Variants in SLC17A2 observed in about 807,000 individuals in gnomAD.
SLC17A2 encodes the protein solute carrier family 17 member 2.
A neutral mutation model predicts 52.1 loss-of-function variants in SLC17A2; 38 were observed. The observed-to-expected ratio is 0.73, with a 90% CI of 0.56 to 0.96. The LOEUF is 0.96. Among genes scored for constraint, SLC17A2 ranks in the 40% least tolerant of loss-of-function variants. The probability of loss-of-function intolerance (pLI) is 0.00; values close to 1 mark genes in which losing one functional copy is unlikely to be tolerated. For missense variants in SLC17A2, 508 were observed against 583.9 expected (o/e 0.87, Z 1.34); for synonymous variants, 226 against 211.9 (o/e 1.07, Z -0.58).
intron 8 of SLC17A2, among the ~76,000 whole-genome samples, chr6:25,916,278 A>C: frequency 6.6e-6 from 1 of 152,142 alleles, no homozygotes; most frequent in East Asian, 1.9e-4. Context: ...GATATTTAGT[A>C]AACCATATTG....
At position 25,915,791 on chromosome 6, in the gene SLC17A2, A is replaced by G. The variant is rs772747990; in HGVS notation, c.1008T>C (p.Leu336=). The G allele has an allele frequency of 6.2e-7, 1 of 1,614,206 alleles. No homozygotes were observed. The highest frequency in any genetic ancestry group is 1.7e-5 in the Admixed American group (1 of 60,026). Residue 336 remains leucine, a synonymous_variant, in exon 9 of 12, where the codon CTT becomes CTC. Coordinates refer to ENST00000377850, the MANE Select transcript of SLC17A2 (RefSeq NM_001286123.3). ...TCAATCTGAGAAGATTCCTGGACAA[A>G]AGGAAATCTGCCAGCTGACCTCCTA... The part of the protein sequence containing the change: ...TILGGQLADF[L]LSRNLLRLIT...
rs1399950059 is a variant in SLC17A2 at position 25,918,545 on chromosome 6, G to A, written c.591C>T (p.Leu197=). The change falls in exon 6 of 12, where the codon CTC becomes CTT. Residue 197 remains leucine, a synonymous_variant. Coordinates refer to ENST00000377850, the MANE Select transcript of SLC17A2 (RefSeq NM_001286123.3). ...CCTGTGAGATTAGTCCCCCCACACA[G>A]AGGATGATGAAGGATCCAAATGCTG... ...SGSAFGSFII[L]CVGGLISQAL... The A allele has an allele frequency of 9.3e-6, 15 of 1,613,332 alleles. No homozygotes were observed. Among genetic ancestry groups the A allele is most frequent in the Non-Finnish European group, 1.3e-5 (15 of 1,179,440 alleles).
chr6:25,912,934 A>T lies in SLC17A2; in HGVS notation c.*383T>A, dbSNP rs1335410710. 1 of 172,618 alleles carries T rather than the reference A, an allele frequency of 5.8e-6. No individual in the cohort carries two copies. Among genetic ancestry groups the T allele is most frequent in the Non-Finnish European group, 1.2e-5 (1 of 80,146 alleles). 10.7% of individuals were successfully genotyped at this position (172,618 alleles called of 1,614,324 possible). ...GAGCAGATCTTCTCTGCATCCAATA[A>T]CCTGCCCCACCATGAAGATATTTAT... On this transcript the variant is annotated 3_prime_UTR_variant, in exon 12 of 12. Transcript: ENST00000377850.
chr6:25,916,904 G>A (rs1766343217), intron 7 of SLC17A2, 58 bp from the exon 8 acceptor site: 5 of 1,607,740 alleles, frequency 3.1e-6, no homozygotes, highest in African/African-American at 1.3e-5. Context: ...GTGCCTCTCA[G>A]AGGAGATCCA....
In SLC17A2 at chr6:25,916,755, CAG is replaced by C; in HGVS notation, c.858_859del (p.Phe286LeufsTer21). ...GTATGTTAGGATGATGGTGCACAACCAGAAATGGCTGAAAAAACCCAGGAAAA... is the reference window on the plus strand; with the variant it reads ...GTATGTTAGGATGATGGTGCACAACCAAATGGCTGAAAAAACCCAGGAAAA... On this transcript the variant is annotated frameshift_variant, in exon 8 of 12. Coordinates refer to ENST00000377850, the MANE Select transcript of SLC17A2 (RefSeq NM_001286123.3). LOFTEE classifies it high-confidence loss of function. 6.2e-7 allele frequency: 1 copy of C among 1,613,934 alleles called. No individual in the cohort carries two copies. Among genetic ancestry groups the C allele is most frequent in the Non-Finnish European group, 8.5e-7 (1 of 1,179,878 alleles).
chr6:25,913,313 G>A lies in SLC17A2; in HGVS notation c.*4C>T, dbSNP rs1299301328. On this transcript the variant is annotated 3_prime_UTR_variant, in exon 12 of 12. Transcript: ENST00000377850. ...ACCACATTTAAGTTTGTAACTTTAT[G>A]TCCTCAGAGGCGGGTAAGGGTCCTC... 1 of 1,613,982 alleles carries A rather than the reference G, an allele frequency of 6.2e-7. No individual in the cohort carries two copies. Among genetic ancestry groups the A allele is most frequent in the African/African-American group, 1.3e-5 (1 of 74,934 alleles).
Position 25,915,721 on chromosome 6 carries a change from C to T in SLC17A2, c.1063+15G>A. The T allele has an allele frequency of 6.2e-7, 1 of 1,613,314 alleles. No individual in the cohort carries two copies. Among genetic ancestry groups the T allele is most frequent in the South Asian group, 1.1e-5 (1 of 90,934 alleles). On this transcript the variant is annotated intron_variant, in intron 9 of 11. Transcript: ENST00000377850. ...AAAAGGGATTGGTTAAATGGGCCCACACGCTTATCCTTACCAAGAGATGAA... is the reference window on the plus strand; with the variant it reads ...AAAAGGGATTGGTTAAATGGGCCCATACGCTTATCCTTACCAAGAGATGAA...
Position 25,916,688 on chromosome 6 carries a change from T to G in SLC17A2, c.927A>C (p.Arg309Ser), listed in dbSNP as rs1766330154. 2 of 1,611,480 alleles carry G rather than the reference T, an allele frequency of 1.2e-6. No homozygotes were observed. The highest frequency in any genetic ancestry group is 1.7e-6 in the Non-Finnish European group (2 of 1,177,706). The change falls in exon 8 of 12, where the codon AGA (arginine) becomes AGC (serine). Residue 309 changes from arginine to serine, a missense_variant. Transcript: ENST00000377850. ...YISTLLHVNI[R>S]DSGVLSSLPF... ...GAAGTATAGGAAGTAAACTCACATC[T>G]CTGATGTTAACATGGAGCAGAGTAC...
rs143440604 is a variant in SLC17A2, at chr6:25,923,118, C to T, written c.240+577G>A. On this transcript the variant is annotated intron_variant, in intron 3 of 11. Transcript: ENST00000377850. ...AGGAAAATCTCTTGAACCCGGGAGG[C>T]GGAGGCTGCAGTGAGCTGAGATCAT... Among the ~76,000 whole-genome samples the T allele has an allele frequency of 5.3e-4, 80 of 152,150 alleles. No homozygotes were observed. The East Asian group carries it at 0.012, about 24-fold the overall frequency.
intron 1 of SLC17A2, among the ~76,000 whole-genome samples, chr6:25,927,009 T>G (rs1274546551): frequency 1.3e-5 from 2 of 152,172 alleles, no homozygotes; most frequent in Admixed American, 6.5e-5. Context: ...AAGGTTGCAG[T>G]GAGCCAAGAT....
intron 1 of SLC17A2, among the ~76,000 whole-genome samples, chr6:25,926,294 G>A (rs1370536010): frequency 6.6e-6 from 1 of 152,126 alleles, no homozygotes; most frequent in African/African-American, 2.4e-5. Flanking sequence ...TTCCAGAGCG[G>A]TCTTTCCTTT....
rs1766651252 is a variant in SLC17A2 at position 25,923,821 on chromosome 6, C to T, written c.114G>A (p.Leu38=). 6.2e-6 allele frequency: 10 copies of T among 1,614,188 alleles called. No individual in the cohort carries two copies. Among genetic ancestry groups the T allele is most frequent in the Non-Finnish European group, 8.5e-6 (10 of 1,180,032 alleles). ...TCACCATGGCGATGATCGCAATGCT[C>T]AGACTCACACGCTGCGTTATCATGG... ...NFTMITQRVS[L]SIAIIAMVNT... is the part of the protein sequence containing the mutation. Residue 38 remains leucine, a synonymous_variant, in exon 3 of 12, where the codon CTG becomes CTA. Transcript: ENST00000377850.
At chr6:25,917,117 G>A in intron 6 of SLC17A2, 30 bp from the exon 7 acceptor site, 1 of 1,563,836 alleles carries the variant, frequency 6.4e-7, no homozygotes, top group African/African-American at 1.4e-5. Context: ...TTAGTTTTTA[G>A]GTAGATTTGT....
intron 2 of SLC17A2, among the ~76,000 whole-genome samples, chr6:25,924,745 G>A (rs552790733): frequency 2.8e-4 from 42 of 151,274 alleles, no homozygotes; most frequent in African/African-American, 9.7e-4. Context: ...GGAGGCAGAG[G>A]TTGCAATGAG....
intron 1 of SLC17A2, among the ~76,000 whole-genome samples, chr6:25,927,251 G>T (rs1581576608): frequency 6.6e-6 from 1 of 152,158 alleles, no homozygotes; most frequent in East Asian, 1.9e-4. Context: ...AATATCCTTT[G>T]TAGTATTACT....
Position 25,914,683 on chromosome 6 carries a change from G to T in SLC17A2, c.1212-13C>A. On this transcript the variant is annotated splice_polypyrimidine_tract_variant and intron_variant, in intron 10 of 11. Transcript: ENST00000377850. ...GAAACTTGCATATCTGTGGGAAGATGATTTTATAAATGATTTTATATAGAA... is the reference window on the plus strand; with the variant it reads ...GAAACTTGCATATCTGTGGGAAGATTATTTTATAAATGATTTTATATAGAA... 2 of 1,532,082 alleles carry T rather than the reference G, an allele frequency of 1.3e-6. No individual in the cohort carries two copies. Among genetic ancestry groups the T allele is most frequent in the Non-Finnish European group, 1.8e-6 (2 of 1,106,526 alleles). 94.9% of individuals were successfully genotyped at this position (1,532,082 alleles called of 1,614,324 possible).
rs1766157608 is a variant in SLC17A2 at position 25,912,938 on chromosome 6, GC to G, written c.*378del. The G allele has an allele frequency of 5.8e-6, 1 of 173,280 alleles. No homozygotes were observed. The highest frequency in any genetic ancestry group is 1.2e-5 in the Non-Finnish European group (1 of 80,678). 10.7% of individuals were successfully genotyped at this position (173,280 alleles called of 1,614,324 possible). On this transcript the variant is annotated 3_prime_UTR_variant, in exon 12 of 12. Coordinates refer to ENST00000377850, the MANE Select transcript of SLC17A2 (RefSeq NM_001286123.3). ...AGATCTTCTCTGCATCCAATAACCTGCCCCACCATGAAGATATTTATCAGTG... is the reference window on the plus strand; with the variant it reads ...AGATCTTCTCTGCATCCAATAACCTGCCCACCATGAAGATATTTATCAGTG...
intron 11 of SLC17A2, 108 bp from the exon 12 acceptor site, chr6:25,913,559 G>T: frequency 1.9e-6 from 2 of 1,077,674 alleles, no homozygotes; most frequent in Non-Finnish European, 2.7e-6. Context: ...GGAATATAAG[G>T]AACAATGTGC....
intron 10 of SLC17A2, among the ~76,000 whole-genome samples, chr6:25,915,149 G>GTATATATATATATATA (rs59580107): frequency 0.043 from 2,482 of 57,306 alleles, 220 homozygotes; most frequent in African/African-American, 0.073. Context: ...TATTGTGACT[G>GTATATATATATATATA]TATATATATA....
Sources: allele counts gnomAD v4.1 joint callset (sites outside exome capture counted in the v4.1 genomes callset), GRCh38; gene constraint gnomAD v4.1.1; transcripts MANE v1.5; gene names NCBI Gene and HGNC (gene_info 2026-07-23, HGNC 2026-07-21).